Variants in SBF2 observed in about 807,000 individuals in gnomAD.
SBF2 encodes SET binding factor 2.
Under a neutral mutation model 225.2 loss-of-function variants are expected in SBF2, and 112 were observed. The ratio of observed to expected loss-of-function variants is 0.50; its 90% CI spans 0.43 to 0.58. The LOEUF is 0.58. SBF2 is among the 20% of genes least tolerant of loss of function. The pLI, the probability that SBF2 is intolerant of heterozygous loss-of-function variation, is 0.00. For synonymous variants in SBF2, 763 were observed against 773.3 expected, an observed-to-expected ratio of 0.99 and a Z score of 0.22; for missense variants, 1,996 against 2,206.2, an observed-to-expected ratio of 0.90 and a Z score of 1.91.
Position 10,227,807 on chromosome 11 carries a change from CT to C in SBF2, c.56-33821del, listed in dbSNP as rs552350983. On this transcript the variant is annotated intron_variant, in intron 1 of 39. Transcript: ENST00000256190. ...TAGGATTGACTTGGCGATGCAGGCT[CT>C]TTTTTGGTTCCATATGAACTTTAAA... 5.3e-3 allele frequency among the ~76,000 whole-genome samples: 806 copies of C among 152,020 alleles called. 9 individuals are homozygous for C. Among genetic ancestry groups the C allele is most frequent in the African/African-American group, 0.018 (753 of 41,446 alleles).
chr11:10,107,316 T>G (rs1952599281), intron 2 of SBF2, among the ~76,000 whole-genome samples: 1 of 152,216 alleles, frequency 6.6e-6, no homozygotes, highest in African/African-American at 2.4e-5. Flanking sequence ...ATAAATGGAA[T>G]ACTATTCGTC....
intron 2 of SBF2, among the ~76,000 whole-genome samples, chr11:10,151,635 G>T (rs962967709): frequency 6.6e-6 from 1 of 152,078 alleles, no homozygotes; most frequent in Non-Finnish European, 1.5e-5. Flanking sequence ...ACTACAATAA[G>T]AAACTTTTAG....
In SBF2 at chr11:9,784,988, T is replaced by C. The variant is rs1852276603; in HGVS notation, c.5231+137A>G. 2.2e-5 allele frequency: 18 copies of C among 810,706 alleles called. 1 individual carries two copies. In the South Asian group the frequency reaches 2.7e-4, roughly 12 times the overall value. 50.2% of individuals were successfully genotyped at this position (810,706 alleles called of 1,614,324 possible). ...CTTTTCAAAGAAACATCTAAAACATTACAAAAATTAAAGCAAATCCATTTC... is the reference window on the plus strand; with the variant it reads ...CTTTTCAAAGAAACATCTAAAACATCACAAAAATTAAAGCAAATCCATTTC... On this transcript the variant is annotated intron_variant, in intron 37 of 39. Transcript: ENST00000256190.
intron 6 of SBF2, among the ~76,000 whole-genome samples, chr11:10,012,093 T>A (rs1348929626): frequency 1.3e-5 from 2 of 152,196 alleles, no homozygotes; most frequent in Non-Finnish European, 2.9e-5. Flanking sequence ...ATTTTATTGA[T>A]TTTTATTTCT....
At chr11:9,805,862 C>T (rs1254772803) in intron 32 of SBF2, among the ~76,000 whole-genome samples, 5 of 152,280 alleles carry the variant, frequency 3.3e-5, no homozygotes, top group African/African-American at 1.2e-4. Context: ...ACCTCGTGAT[C>T]CACCCACCTT....
intron 32 of SBF2, among the ~76,000 whole-genome samples, chr11:9,797,643 G>C (rs1185232650): frequency 6.6e-6 from 1 of 152,222 alleles, no homozygotes; most frequent in Non-Finnish European, 1.5e-5. Flanking sequence ...AAGAAATCAT[G>C]GGTTTCCTAT....
At chr11:10,179,954 C>T (rs900963826) in intron 2 of SBF2, among the ~76,000 whole-genome samples, 7 of 152,108 alleles carry the variant, frequency 4.6e-5, no homozygotes, top group African/African-American at 1.7e-4. Flanking sequence ...CAAGTTAACA[C>T]TAATTGCATA....
intron 1 of SBF2, among the ~76,000 whole-genome samples, chr11:10,204,467 C>T (rs1048252920): frequency 6.6e-6 from 1 of 151,846 alleles, no homozygotes; most frequent in Admixed American, 6.6e-5. Context: ...GGTGAAACCT[C>T]GTCTCTACTA....
chr11:10,246,720 C>T (rs1054632380), intron 1 of SBF2, among the ~76,000 whole-genome samples: 1 of 152,214 alleles, frequency 6.6e-6, no homozygotes, highest in African/African-American at 2.4e-5. Flanking sequence ...TAAAATCTTT[C>T]CACAAACAAA....
intron 17 of SBF2, among the ~76,000 whole-genome samples, chr11:9,892,410 G>A (rs984279095): frequency 3.0e-4 from 45 of 151,986 alleles, no homozygotes; most frequent in Admixed American, 1.2e-3. Context: ...GCAGTAATGC[G>A]TGACTCTTCC....
chr11:10,075,777 G>T (rs1951073918), intron 2 of SBF2, among the ~76,000 whole-genome samples: 1 of 152,230 alleles, frequency 6.6e-6, no homozygotes, highest in South Asian at 2.1e-4. Flanking sequence ...CCGGTCTTGG[G>T]TAGTTCTTTA....
intron 15 of SBF2, 91 bp downstream of exon 15, chr11:9,963,682 G>C: frequency 1.4e-6 from 1 of 702,798 alleles, no homozygotes; most frequent in Non-Finnish European, 2.6e-6. Flanking sequence ...AAAAGGGATA[G>C]AATTAAAGAA....
At chr11:9,804,594 G>T (rs1853687484) in intron 32 of SBF2, among the ~76,000 whole-genome samples, 1 of 152,168 alleles carries the variant, frequency 6.6e-6, no homozygotes, top group South Asian at 2.1e-4. Flanking sequence ...CCCTTTGCAT[G>T]ATGATTGATC....
At chr11:9,949,682 T>C (rs1009322498) in intron 16 of SBF2, among the ~76,000 whole-genome samples, 1 of 152,154 alleles carries the variant, frequency 6.6e-6, no homozygotes, top group African/African-American at 2.4e-5. Context: ...TCTTAAGAGT[T>C]CTGCATTTAC....
intron 2 of SBF2, among the ~76,000 whole-genome samples, chr11:10,078,406 A>T (rs1221064508): frequency 3.3e-5 from 5 of 152,208 alleles, no homozygotes; most frequent in African/African-American, 1.2e-4. Context: ...TAGAGTGGAT[A>T]AAGAAAATGT....
chr11:9,968,714 T>C (rs568256111), intron 13 of SBF2, among the ~76,000 whole-genome samples, 169 bp from the exon 14 acceptor site: 1 of 152,208 alleles, frequency 6.6e-6, no homozygotes, highest in Non-Finnish European at 1.5e-5. Context: ...ACATGCTCTA[T>C]CAGCAGCATC....
At chr11:10,243,308 T>A (rs770993322) in intron 1 of SBF2, among the ~76,000 whole-genome samples, 1 of 151,790 alleles carries the variant, frequency 6.6e-6, no homozygotes. Context: ...TCAAAACTTA[T>A]GGGATGCAGC....
At chr11:9,967,337 A>G (rs1302249440) in intron 14 of SBF2, among the ~76,000 whole-genome samples, 1 of 150,516 alleles carries the variant, frequency 6.6e-6, no homozygotes, top group Non-Finnish European at 1.5e-5. Context: ...GCTCCACTGC[A>G]CTCCAGCCTG....
intron 17 of SBF2, among the ~76,000 whole-genome samples, chr11:9,869,447 T>C (rs1564935389): frequency 6.6e-6 from 1 of 152,090 alleles, no homozygotes; most frequent in East Asian, 1.9e-4. Context: ...GCCTCCCGAG[T>C]AGCTGGGATT....
Sources: allele counts gnomAD v4.1 joint callset (sites outside exome capture counted in the v4.1 genomes callset), GRCh38; gene constraint gnomAD v4.1.1; transcripts MANE v1.5; gene names NCBI Gene and HGNC (gene_info 2026-07-23, HGNC 2026-07-21).